SAR1A: variants seen among roughly 807,000 people sequenced by gnomAD.
The protein encoded by SAR1A is small COPII coat GTPase SAR1A.
Under a neutral mutation model 22.6 loss-of-function variants are expected in SAR1A, and 6 were observed. That is an observed-to-expected ratio of 0.27 (90% CI 0.15 to 0.52). SAR1A has a LOEUF of 0.52. SAR1A is among the 20% of genes least tolerant of loss of function. The pLI is 0.96. For synonymous variants in SAR1A, 70 were observed against 82.2 expected (o/e 0.85, Z 0.80); for missense variants, 145 against 245.1 (o/e 0.59, Z 2.73).
At chr10:70,162,397 A>AAAG (rs1839482512) in intron 1 of SAR1A, among the ~76,000 whole-genome samples, 1 of 124,516 alleles carries the variant, frequency 8.0e-6, no homozygotes, top group African/African-American at 3.0e-5. Flanking sequence ...GAAAGGGAAA[A>AAAG]GGAAAGGGAA....
intron 5 of SAR1A, among the ~76,000 whole-genome samples, chr10:70,154,760 C>G (rs117130713): frequency 0.026 from 3,984 of 152,264 alleles, 63 homozygotes; most frequent in South Asian, 0.034. Flanking sequence ...CACGCCCAGC[C>G]ACATTTATGT....
intron 5 of SAR1A, 57 bp from the exon 6 acceptor site, chr10:70,154,026 A>T (rs1219582747): frequency 3.0e-6 from 4 of 1,339,652 alleles, no homozygotes; most frequent in Non-Finnish European, 4.1e-6. Flanking sequence ...GGAATCTACA[A>T]AAGCCCACCA....
At chr10:70,163,753 T>C in intron 1 of SAR1A, 1 of 959,346 alleles carries the variant, frequency 1.0e-6, no homozygotes, top group Non-Finnish European at 1.7e-6. Context: ...TTGACAAAGA[T>C]GGTGATGGAA....
chr10:70,166,734 C>A (rs1263735367), intron 1 of SAR1A: 1 of 151,828 alleles, frequency 6.6e-6, no homozygotes, highest in Admixed American at 6.6e-5. Context: ...CACCTGTAAT[C>A]CCAGCATTTT....
chr10:70,157,235 G>A (rs909501658), intron 5 of SAR1A, among the ~76,000 whole-genome samples: 2 of 151,756 alleles, frequency 1.3e-5, no homozygotes, highest in African/African-American at 2.4e-5. Flanking sequence ...AAACTCCGTC[G>A]CTACTAAAAA....
rs1839515465 is a variant in SAR1A at position 70,164,214 on chromosome 10, CCTA to C, written c.-16-2286_-16-2284del. On this transcript the variant is annotated intron_variant, in intron 1 of 6. Coordinates refer to ENST00000373241, the MANE Select transcript of SAR1A (RefSeq NM_020150.5). ...GTAACTTATCTGTAAAAGGCTTCTCCCTACTGTCAAAAAAAAATATGCATGTAT... is the reference window on the plus strand; with the variant it reads ...GTAACTTATCTGTAAAAGGCTTCTCCCTGTCAAAAAAAAATATGCATGTAT... 1.7e-5 allele frequency: 10 copies of C among 590,988 alleles called. No individual in the cohort carries two copies. In the East Asian group the frequency reaches 2.3e-4, roughly 14 times the overall value. The allele number at this position is 590,988 out of a possible 1,614,324, so 36.6% of individuals were successfully genotyped here.
chr10:70,166,111 C>T (rs1176025632), intron 1 of SAR1A, among the ~76,000 whole-genome samples: 1 of 152,218 alleles, frequency 6.6e-6, no homozygotes, highest in Non-Finnish European at 1.5e-5. Context: ...TGCTACTGTA[C>T]ACTTAACAGA....
intron 1 of SAR1A, among the ~76,000 whole-genome samples, chr10:70,164,904 G>A (rs1438043025): frequency 1.3e-5 from 2 of 152,212 alleles, no homozygotes; most frequent in Non-Finnish European, 2.9e-5. Flanking sequence ...GGGCTTTGAT[G>A]GAGGTGCAGA....
intron 4 of SAR1A, among the ~76,000 whole-genome samples, chr10:70,160,245 G>T (rs1367911891): frequency 3.9e-5 from 6 of 151,976 alleles, no homozygotes; most frequent in Non-Finnish European, 7.4e-5. Flanking sequence ...AAACTTCCTG[G>T]ATTTGATAAC....
intron 1 of SAR1A, among the ~76,000 whole-genome samples, chr10:70,162,162 G>A (rs909525727): frequency 1.3e-5 from 2 of 151,710 alleles, no homozygotes; most frequent in African/African-American, 2.4e-5. Context: ...CAAGAAAGCT[G>A]GACTCAATCT....
At chr10:70,168,249 A>G (rs1399331833) in intron 1 of SAR1A, among the ~76,000 whole-genome samples, 1 of 152,252 alleles carries the variant, frequency 6.6e-6, no homozygotes, top group Non-Finnish European at 1.5e-5. Context: ...AAGTAGTTCA[A>G]TTGCCATGAA....
chr10:70,169,507 C>G (rs192454317), intron 1 of SAR1A, among the ~76,000 whole-genome samples: 13 of 152,270 alleles, frequency 8.5e-5, no homozygotes, highest in African/African-American at 2.9e-4. Context: ...TGAAAACTTG[C>G]GAATTCCAGG....
intron 1 of SAR1A, among the ~76,000 whole-genome samples, chr10:70,165,571 G>T (rs1323080382): frequency 6.6e-6 from 1 of 152,220 alleles, no homozygotes; most frequent in Non-Finnish European, 1.5e-5. Flanking sequence ...GCCTGAAGAT[G>T]TGACAACTGC....
chr10:70,166,173 T>C (rs1316763077), intron 1 of SAR1A, among the ~76,000 whole-genome samples: 1 of 152,262 alleles, frequency 6.6e-6, no homozygotes, highest in African/African-American at 2.4e-5. Flanking sequence ...ACCAAAATAT[T>C]CGTGTTACTT....
chr10:70,164,265 CAT>C, intron 1 of SAR1A: 1 of 535,696 alleles, frequency 1.9e-6, no homozygotes, highest in Non-Finnish European at 3.4e-6. Context: ...TTCATTCCTC[CAT>C]GTGTTCTTCC....
At chr10:70,169,835 A>C (rs1839602440) in intron 1 of SAR1A, among the ~76,000 whole-genome samples, 1 of 152,204 alleles carries the variant, frequency 6.6e-6, no homozygotes, top group African/African-American at 2.4e-5. Context: ...AAATGCACAT[A>C]AGGAAATTTT....
At chr10:70,155,332 A>C (rs963668312) in intron 5 of SAR1A, among the ~76,000 whole-genome samples, 2 of 152,218 alleles carry the variant, frequency 1.3e-5, no homozygotes, top group African/African-American at 4.8e-5. Context: ...TAAAAAAGAC[A>C]AATGAGTCAA....
At chr10:70,164,635 C>T (rs1839521700) in intron 1 of SAR1A, among the ~76,000 whole-genome samples, 1 of 151,872 alleles carries the variant, frequency 6.6e-6, no homozygotes, top group Admixed American at 6.5e-5. Flanking sequence ...CTGTTACTTG[C>T]TTTTTAAACT....
rs763850692 is a variant in SAR1A at position 70,161,849 on chromosome 10, T to C, written c.58+9A>G. On this transcript the variant is annotated intron_variant, in intron 2 of 6. Coordinates refer to ENST00000373241, the MANE Select transcript of SAR1A (RefSeq NM_020150.5). ...CTTTGAAACCTGTATTTCAAGGAAA[T>C]GGCTTTACCTAGGAACTGGAGCACA... 2.5e-6 allele frequency: 4 copies of C among 1,613,606 alleles called. No individual in the cohort carries two copies. The South Asian group carries it at 3.3e-5, about 13-fold the overall frequency.
Sources: allele counts gnomAD v4.1 joint callset (sites outside exome capture counted in the v4.1 genomes callset), GRCh38; gene constraint gnomAD v4.1.1; transcripts MANE v1.5; gene names NCBI Gene and HGNC (gene_info 2026-07-23, HGNC 2026-07-21).